The following ANOS1 variants were observed in gnomAD, a reference collection of about 807,000 sequenced individuals.
The protein encoded by ANOS1 is anosmin 1.
A neutral mutation model predicts 59.0 loss-of-function variants in ANOS1; 6 were observed. The ratio of observed to expected loss-of-function variants is 0.10; its 90% CI spans 0.06 to 0.20. The LOEUF (loss-of-function observed/expected upper bound fraction) is 0.20, where lower values mean the gene tolerates loss of function less well. Among genes scored for constraint, ANOS1 ranks in the 10% least tolerant of loss-of-function variants. The probability of loss-of-function intolerance (pLI) is 1.00; values close to 1 mark genes in which losing one functional copy is unlikely to be tolerated. For missense variants in ANOS1, 433 were observed against 542.3 expected, an observed-to-expected ratio of 0.80 and a Z score of 2.00; for synonymous variants, 217 against 223.4, an observed-to-expected ratio of 0.97 and a Z score of 0.25.
At chrX:8,596,119 A>T (rs1419191911) in intron 4 of ANOS1, among the ~76,000 whole-genome samples, 1 of 111,357 alleles carries the variant, frequency 9.0e-6, no homozygotes, top group Non-Finnish European at 1.9e-5. Flanking sequence ...TGAGTTGTAT[A>T]ATTATTTCAT....
rs1930289298 is a variant in ANOS1, at chrX:8,574,566, G to A, written c.857-3862C>T. Among the ~76,000 whole-genome samples the A allele has an allele frequency of 2.7e-5, 3 of 111,873 alleles. No homozygotes were observed. The South Asian group carries it at 1.1e-3, about 42-fold the overall frequency. ...GCAGCCAGAATAAAAGCAGGGAGAAGAATGTGGAAATTTTAGACTGGTTTA... is the reference window on the plus strand; with the variant it reads ...GCAGCCAGAATAAAAGCAGGGAGAAAAATGTGGAAATTTTAGACTGGTTTA... On this transcript the variant is annotated intron_variant, in intron 6 of 13. Transcript: ENST00000262648.
chrX:8,633,197 T>C (rs1280813258), intron 2 of ANOS1, among the ~76,000 whole-genome samples: 1 of 111,697 alleles, frequency 9.0e-6, no homozygotes, highest in African/African-American at 3.3e-5. Context: ...CCTGAGACGT[T>C]CGCATCACAA....
At chrX:8,570,075 G>A (rs1016643404) in intron 7 of ANOS1, among the ~76,000 whole-genome samples, 7 of 107,225 alleles carry the variant, frequency 6.5e-5, no homozygotes, top group African/African-American at 1.4e-4. Flanking sequence ...GATTACAGAC[G>A]GAAACACTTC....
At chrX:8,582,958 CTT>C (rs773942648) in intron 6 of ANOS1, among the ~76,000 whole-genome samples, 163 of 111,703 alleles carry the variant, frequency 1.5e-3, no homozygotes, top group Admixed American at 3.1e-3. Flanking sequence ...CTGCAGGCCT[CTT>C]TTGCCACAAA....
intron 8 of ANOS1, among the ~76,000 whole-genome samples, chrX:8,564,780 G>C (rs5934448): frequency 9.0e-6 from 1 of 111,437 alleles, no homozygotes; most frequent in African/African-American, 3.3e-5. Context: ...GGCTTACTGA[G>C]AGGAAGGGAT....
chrX:8,572,347 A>G (rs759559510), intron 6 of ANOS1, among the ~76,000 whole-genome samples: 1 of 106,640 alleles, frequency 9.4e-6, no homozygotes, highest in Non-Finnish European at 1.9e-5. Flanking sequence ...ATGTGTTCTC[A>G]TCCTTCGGCT....
At chrX:8,666,977 A>C (rs949452772) in intron 2 of ANOS1, among the ~76,000 whole-genome samples, 2 of 111,798 alleles carry the variant, frequency 1.8e-5, no homozygotes, top group Non-Finnish European at 3.8e-5. Context: ...CAGGGAGAAA[A>C]TATACCCTGC....
chrX:8,611,544 C>T (rs1004118955), intron 3 of ANOS1, among the ~76,000 whole-genome samples: 3 of 110,923 alleles, frequency 2.7e-5, no homozygotes, highest in Non-Finnish European at 3.8e-5. Context: ...TATACTTAAC[C>T]GTATTGCTTC....
intron 2 of ANOS1, among the ~76,000 whole-genome samples, chrX:8,643,429 T>G (rs996567347): frequency 9.0e-6 from 1 of 111,549 alleles, no homozygotes; most frequent in African/African-American, 3.3e-5. Flanking sequence ...TTGTCCAAAT[T>G]CCTATCTAAG....
intron 2 of ANOS1, among the ~76,000 whole-genome samples, chrX:8,672,221 C>G (rs889134493): frequency 1.8e-5 from 2 of 111,113 alleles, no homozygotes; most frequent in Non-Finnish European, 3.8e-5. Flanking sequence ...ATGTTTACAC[C>G]ACACCACTCC....
At chrX:8,625,068 C>T (rs889974613) in intron 2 of ANOS1, among the ~76,000 whole-genome samples, 1 of 110,342 alleles carries the variant, frequency 9.1e-6, no homozygotes, top group African/African-American at 3.3e-5. Flanking sequence ...GAGATCGGGC[C>T]ACTGCACTCC....
chrX:8,609,526 A>G lies in ANOS1; in HGVS notation c.319-12270T>C, dbSNP rs192213356. 1.5e-4 allele frequency among the ~76,000 whole-genome samples: 17 copies of G among 111,977 alleles called. 1 individual carries two copies. The highest frequency in any genetic ancestry group is 4.5e-4 in the African/African-American group (14 of 30,848). On this transcript the variant is annotated intron_variant, in intron 3 of 13. Transcript: ENST00000262648. ...ATTACGAGGGTATTTTAAGAAAGTTAACCAAAGATTTAGCAGAAAAATGTC... is the reference window on the plus strand; with the variant it reads ...ATTACGAGGGTATTTTAAGAAAGTTGACCAAAGATTTAGCAGAAAAATGTC...
At chrX:8,704,969 T>C (rs1932773286) in intron 1 of ANOS1, among the ~76,000 whole-genome samples, 1 of 111,669 alleles carries the variant, frequency 9.0e-6, no homozygotes, top group South Asian at 3.8e-4. Flanking sequence ...AGATACAGTA[T>C]TTTAGCAATA....
At chrX:8,576,491 T>TAC (rs769843705) in intron 6 of ANOS1, among the ~76,000 whole-genome samples, 1,171 of 93,419 alleles carry the variant, frequency 0.013, 14 homozygotes, top group African/African-American at 0.032. Context: ...CACACACACA[T>TAC]ACACACACAC....
At chrX:8,609,585 A>G (rs1024912736) in intron 3 of ANOS1, among the ~76,000 whole-genome samples, 2 of 111,977 alleles carry the variant, frequency 1.8e-5, no homozygotes, top group Non-Finnish European at 3.8e-5. Context: ...TTTCTCCACC[A>G]TAACAATGGC....
chrX:8,577,790 G>C (rs1734754310), intron 6 of ANOS1, among the ~76,000 whole-genome samples: 1 of 111,753 alleles, frequency 8.9e-6, no homozygotes, highest in Non-Finnish European at 1.9e-5. Flanking sequence ...GCCTATGTTG[G>C]GTAAAGTGAC....
At chrX:8,596,277 A>C (rs979191570) in intron 4 of ANOS1, among the ~76,000 whole-genome samples, 1 of 110,693 alleles carries the variant, frequency 9.0e-6, no homozygotes, top group African/African-American at 3.3e-5. Context: ...AAGGTTGGGG[A>C]CTGCTGCTCT....
At chrX:8,712,456 G>A (rs971848768) in intron 1 of ANOS1, among the ~76,000 whole-genome samples, 2 of 112,341 alleles carry the variant, frequency 1.8e-5, no homozygotes, top group Non-Finnish European at 3.8e-5. Flanking sequence ...ATCCGGAAGC[G>A]ACTAAAATAA....
intron 3 of ANOS1, among the ~76,000 whole-genome samples, chrX:8,619,387 C>CTT (rs1482634669): frequency 1.1e-3 from 125 of 111,617 alleles, no homozygotes; most frequent in Non-Finnish European, 1.4e-3. Context: ...GGGCGGATCA[C>CTT]AAGGTCAGGA....
Sources: allele counts gnomAD v4.1 joint callset (sites outside exome capture counted in the v4.1 genomes callset), GRCh38; gene constraint gnomAD v4.1.1; transcripts MANE v1.5; gene names NCBI Gene and HGNC (gene_info 2026-07-23, HGNC 2026-07-21).